TLK1: variants seen among roughly 807,000 people sequenced by gnomAD.
The protein encoded by TLK1 is tousled like kinase 1.
Under a neutral mutation model 105.3 loss-of-function variants are expected in TLK1, and 24 were observed. The ratio of observed to expected loss-of-function variants is 0.23; its 90% confidence interval spans 0.17 to 0.32. The LOEUF is 0.32. TLK1 is among the 10% of genes least tolerant of loss of function. The pLI, the probability that TLK1 is intolerant of heterozygous loss-of-function variation, is 1.00. For synonymous variants in TLK1, 321 were observed against 310.4 expected (o/e 1.03, Z -0.36); for missense variants, 558 against 910.5 (o/e 0.61, Z 4.98).
intron 2 of TLK1, among the ~76,000 whole-genome samples, chr2:171,084,220 C>CA (rs771518072): frequency 6.6e-5 from 10 of 152,050 alleles, no homozygotes; most frequent in Non-Finnish European, 1.2e-4. Flanking sequence ...AAGTTAGGTA[C>CA]AGAAGCTAGG....
At chr2:171,122,337 G>A (rs1690688090) in intron 1 of TLK1, among the ~76,000 whole-genome samples, 2 of 152,168 alleles carry the variant, frequency 1.3e-5, no homozygotes, top group South Asian at 2.1e-4. Flanking sequence ...TAGGTGCTTA[G>A]CAAATGTTAA....
chr2:171,128,868 T>C (rs112857103), intron 1 of TLK1, among the ~76,000 whole-genome samples: 2 of 152,158 alleles, frequency 1.3e-5, no homozygotes, highest in Non-Finnish European at 2.9e-5. Context: ...AATAAAGAAA[T>C]TGAGACACTG....
At chr2:171,161,202 C>A (rs981066018), upstream of TLK1, among the ~76,000 whole-genome samples, 7 of 149,870 alleles carry the variant, frequency 4.7e-5, no homozygotes, top group African/African-American at 1.7e-4. Flanking sequence ...AGGCGCGCCC[C>A]CGCCGCGCCG....
chr2:171,084,250 G>T (rs1688871282), intron 2 of TLK1, among the ~76,000 whole-genome samples: 1 of 152,132 alleles, frequency 6.6e-6, no homozygotes, highest in Non-Finnish European at 1.5e-5. Context: ...GTACAGAAGG[G>T]TTTTGCACTT....
In TLK1 at chr2:170,993,960, A is replaced by C. The variant is rs368957074; in HGVS notation, c.2125-4T>G. 25 of 1,587,286 alleles carry C rather than the reference A, an allele frequency of 1.6e-5. No individual in the cohort carries two copies. The highest frequency in any genetic ancestry group is 2.1e-5 in the Non-Finnish European group (25 of 1,168,740). The stretch of plus-strand genomic sequence containing the variant: ...CCAAACAGCGTCTTATAAATGCCTC[A>C]AAAAGAGAAAGGAAATGTTAGCAAT... On this transcript the variant is annotated splice_polypyrimidine_tract_variant and splice_region_variant and intron_variant, in intron 20 of 20. Transcript: ENST00000431350.
chr2:171,095,915 C>T (rs1266695859), intron 2 of TLK1, among the ~76,000 whole-genome samples: 1 of 152,004 alleles, frequency 6.6e-6, no homozygotes, highest in African/African-American at 2.4e-5. Flanking sequence ...ATTTCATACT[C>T]CAGGATGAAA....
intron 1 of TLK1, among the ~76,000 whole-genome samples, chr2:171,202,577 C>T (rs113535463): frequency 2.6e-5 from 4 of 151,890 alleles, no homozygotes; most frequent in South Asian, 2.1e-4. Flanking sequence ...GCCAATACAG[C>T]GAAACCCTGT....
At chr2:171,094,628 G>A (rs1184111350) in intron 2 of TLK1, among the ~76,000 whole-genome samples, 1 of 152,208 alleles carries the variant, frequency 6.6e-6, no homozygotes, top group East Asian at 1.9e-4. Flanking sequence ...TTTTTTCCGA[G>A]ACAGAGTTTT....
chr2:171,223,888 C>A lies in TLK1; in HGVS notation c.-6+7257G>T, dbSNP rs148226595. Reference sequence around the variant, plus strand: ...TGTTAGATGGGTAGTTATATGTTTTCCCATTCTGTGTTGTCTCTTCACTTT... The same window carrying A: ...TGTTAGATGGGTAGTTATATGTTTTACCATTCTGTGTTGTCTCTTCACTTT... On this transcript the variant is annotated intron_variant, in intron 1 of 20. Transcript: ENST00000521943. Among the ~76,000 whole-genome samples the A allele has an allele frequency of 2.3e-3, 334 of 148,000 alleles. 1 individual carries two copies. Among genetic ancestry groups the A allele is most frequent in the South Asian group, 4.5e-3 (21 of 4,694 alleles).
chr2:171,222,173 C>G (rs1693821030), intron 1 of TLK1, among the ~76,000 whole-genome samples: 1 of 152,204 alleles, frequency 6.6e-6, no homozygotes, highest in South Asian at 2.1e-4. Flanking sequence ...GCTGTAGACT[C>G]CCTTATCCTG....
Position 171,160,534 on chromosome 2 carries a change from A to G in TLK1, c.-106T>C. 1.3e-6 allele frequency: 2 copies of G among 1,498,202 alleles called. No homozygotes were observed. The highest frequency in any genetic ancestry group is 1.8e-6 in the Non-Finnish European group (2 of 1,122,198). 92.8% of individuals were successfully genotyped at this position (1,498,202 alleles called of 1,614,324 possible). ...GGGGGCCGCGCTGAGGGCGAGCGAG[A>G]GAGCGAGGGCTGGGAGGGGAGAGTC... is the stretch of plus-strand genomic sequence containing the variant. On this transcript the variant is annotated 5_prime_UTR_variant, in exon 1 of 21. Coordinates refer to ENST00000431350, the MANE Select transcript of TLK1 (RefSeq NM_012290.5). The surrounding 1 kb of genome is among the most constrained non-coding windows in gnomAD (Gnocchi z 4.4).
intron 1 of TLK1, among the ~76,000 whole-genome samples, chr2:171,203,477 A>C (rs928010963): frequency 6.6e-6 from 1 of 152,364 alleles, no homozygotes; most frequent in South Asian, 2.1e-4. Flanking sequence ...TATGTAATGT[A>C]TCATGTCCTT....
At chr2:171,019,394 G>A (rs550312476) in intron 12 of TLK1, among the ~76,000 whole-genome samples, 1 of 152,244 alleles carries the variant, frequency 6.6e-6, no homozygotes, top group Admixed American at 6.5e-5. Flanking sequence ...GTATTTTGGA[G>A]CATTTCTCAT....
In TLK1 at chr2:171,160,375, C is replaced by G; in HGVS notation, c.54G>C (p.Gln18His). 2 of 1,605,980 alleles carry G rather than the reference C, an allele frequency of 1.2e-6. No individual in the cohort carries two copies. The highest frequency in any genetic ancestry group is 1.7e-6 in the Non-Finnish European group (2 of 1,176,748). Residue 18 changes from glutamine (Q) to histidine (H), a missense_variant, in exon 1 of 21, where the codon CAG becomes CAC. Coordinates refer to ENST00000431350, the MANE Select transcript of TLK1 (RefSeq NM_012290.5). The surrounding 1 kb of genome is among the most constrained non-coding windows in gnomAD (Gnocchi z 4.4). ...AGCCCGGGGTTGGAGACGTGGAGAG[C>G]TGGGACCAAGATGGCGGCCCCTCCA... is the stretch of plus-strand genomic sequence containing the variant. ...GSLEGPPSWS[Q>H]LSTSPTPGSA... is the part of the protein sequence containing the mutation.
intron 2 of TLK1, among the ~76,000 whole-genome samples, chr2:171,114,416 G>A (rs1690319553): frequency 6.6e-6 from 1 of 152,182 alleles, no homozygotes; most frequent in Non-Finnish European, 1.5e-5. Flanking sequence ...TAAAAGTAGA[G>A]GCCCAACCTT....
At chr2:171,165,517 T>A (rs1376306474), upstream of TLK1, among the ~76,000 whole-genome samples, 3 of 152,000 alleles carry the variant, frequency 2.0e-5, no homozygotes, top group Non-Finnish European at 4.4e-5. Flanking sequence ...GCATCCAATA[T>A]TATAGACATA....
intron 1 of TLK1, among the ~76,000 whole-genome samples, chr2:171,196,774 T>A (rs973041890): frequency 5.9e-5 from 9 of 152,194 alleles, no homozygotes; most frequent in Non-Finnish European, 1.5e-5. Context: ...ATGAGAGACT[T>A]CACAGTGAGT....
At chr2:171,156,365 C>A (rs1273534440) in intron 1 of TLK1, among the ~76,000 whole-genome samples, 1 of 152,166 alleles carries the variant, frequency 6.6e-6, no homozygotes, top group Non-Finnish European at 1.5e-5. Flanking sequence ...CTATTTACAA[C>A]ACAGTTTAAA....
intron 1 of TLK1, among the ~76,000 whole-genome samples, chr2:171,171,504 CAAA>C (rs541238416): frequency 7.4e-5 from 5 of 67,408 alleles, no homozygotes; most frequent in Non-Finnish European, 6.3e-5. Flanking sequence ...CCCTCATCTC[CAAA>C]AAAAAAAAAA....
Sources: gnomAD v4.1 joint callset for allele counts (sites outside exome capture counted in the v4.1 genomes callset) on GRCh38, gnomAD v4.1.1 for gene constraint, Gnocchi (gnomAD v3.1) non-coding constraint, MANE v1.5 for transcripts, NCBI Gene and HGNC (gene_info 2026-07-23, HGNC 2026-07-21) for gene names.